XKR9: variants seen among roughly 807,000 people sequenced by gnomAD.
XKR9 encodes the protein XK-related protein 9.
In XKR9, 32 loss-of-function variants were observed where a neutral mutation model predicts 32.0. The ratio of observed to expected loss-of-function variants is 1.00; its 90% CI spans 0.76 to 1.34. XKR9 has a LOEUF of 1.34. Ranked by LOEUF, XKR9 falls within the 40% of genes most tolerant of loss-of-function variation. The pLI is 0.00. For missense variants in XKR9, 546 were observed against 429.7 expected (o/e 1.27, Z -2.39); for synonymous variants, 168 against 143.4 (o/e 1.17, Z -1.22).
At chr8:70,845,981 G>C in the XKR9 span, among the ~76,000 whole-genome samples, 1 of 151,978 alleles carries the variant, frequency 6.6e-6, no homozygotes, top group African/African-American at 2.4e-5. Flanking sequence ...ACCCAAAAAG[G>C]CCTTCACAGC....
the XKR9 span, among the ~76,000 whole-genome samples, chr8:70,802,022 C>T: frequency 1.8e-4 from 28 of 151,576 alleles, no homozygotes; most frequent in African/African-American, 2.9e-4. Flanking sequence ...CTGCAAGCTC[C>T]GCCTCCCAGG....
intron 1 of XKR9, among the ~76,000 whole-genome samples, chr8:70,672,310 C>T (rs1818740543): frequency 9.2e-6 from 1 of 109,190 alleles, no homozygotes; most frequent in Admixed American, 8.9e-5. Context: ...CACTACCTGA[C>T]TTCAAACTAT....
intron 3 of XKR9, among the ~76,000 whole-genome samples, chr8:70,687,936 T>G (rs1166097057): frequency 6.6e-6 from 1 of 152,256 alleles, no homozygotes; most frequent in East Asian, 1.9e-4. Context: ...GTTCTGGTAT[T>G]CTATAAATGA....
At chr8:70,915,631 T>A in the XKR9 span, among the ~76,000 whole-genome samples, 2 of 152,232 alleles carry the variant, frequency 1.3e-5, no homozygotes, top group Non-Finnish European at 2.9e-5. Flanking sequence ...TATCTAGAAC[T>A]GATTTTGTCT....
intron 2 of XKR9, among the ~76,000 whole-genome samples, chr8:70,747,060 C>G (rs1171314966): frequency 6.6e-6 from 1 of 152,158 alleles, no homozygotes; most frequent in East Asian, 1.9e-4. Context: ...TGGCCTCCAG[C>G]TATCCATGGT....
At chr8:70,799,051 T>G in the XKR9 span, among the ~76,000 whole-genome samples, 1 of 152,196 alleles carries the variant, frequency 6.6e-6, no homozygotes, top group East Asian at 1.9e-4. Flanking sequence ...TGGTCTCATA[T>G]AAATTTTAAA....
intron 2 of XKR9, among the ~76,000 whole-genome samples, chr8:70,786,953 T>C (rs1402120565): frequency 2.6e-5 from 4 of 152,154 alleles, no homozygotes; most frequent in Non-Finnish European, 5.9e-5. Context: ...TTTTGGTTTG[T>C]GGTTACCAAA....
At chr8:70,890,784 T>C in the XKR9 span, among the ~76,000 whole-genome samples, 1 of 152,006 alleles carries the variant, frequency 6.6e-6, no homozygotes, top group Admixed American at 6.6e-5. Context: ...TTATCTGGTC[T>C]TAGTATCAGG....
chr8:70,873,483 G>A, the XKR9 span, among the ~76,000 whole-genome samples: 1 of 152,160 alleles, frequency 6.6e-6, no homozygotes, highest in Non-Finnish European at 1.5e-5. Context: ...CAGGAATTTG[G>A]AAGAAGTTAT....
chr8:70,787,560 G>C (rs1293954256), intron 2 of XKR9, among the ~76,000 whole-genome samples: 1 of 152,042 alleles, frequency 6.6e-6, no homozygotes, highest in Non-Finnish European at 1.5e-5. Flanking sequence ...CATTCCACCA[G>C]AATAAAATGA....
At chr8:70,716,076 C>G (rs1038863749) in intron 4 of XKR9, among the ~76,000 whole-genome samples, 3 of 151,668 alleles carry the variant, frequency 2.0e-5, no homozygotes, top group Admixed American at 6.6e-5. Flanking sequence ...GACTTAAGAG[C>G]AACTGGCTTA....
chr8:70,867,133 C>G, the XKR9 span, among the ~76,000 whole-genome samples: 512 of 152,206 alleles, frequency 3.4e-3, 3 homozygotes, highest in South Asian at 0.016. Flanking sequence ...TGGCAGCAGG[C>G]AAGGAGGAGC....
the XKR9 span, among the ~76,000 whole-genome samples, chr8:70,908,329 T>A: frequency 6.6e-6 from 1 of 152,174 alleles, no homozygotes; most frequent in Admixed American, 6.5e-5. Flanking sequence ...CCATGTAATC[T>A]TTTTTTCCTT....
the XKR9 span, among the ~76,000 whole-genome samples, chr8:70,857,756 G>T: frequency 6.6e-6 from 1 of 152,096 alleles, no homozygotes; most frequent in Non-Finnish European, 1.5e-5. Flanking sequence ...ACATCAAAAA[G>T]CTTATCCGCC....
the XKR9 span, among the ~76,000 whole-genome samples, chr8:70,837,938 A>G: frequency 1.3e-5 from 2 of 152,152 alleles, no homozygotes; most frequent in Non-Finnish European, 2.9e-5. Context: ...ATTTATTTCA[A>G]TCTTCATTAT....
chr8:71,001,804 T>C, the XKR9 span, among the ~76,000 whole-genome samples: 1 of 152,212 alleles, frequency 6.6e-6, no homozygotes, highest in Non-Finnish European at 1.5e-5. Context: ...GTAAGTATTG[T>C]GACTATTGTT....
the XKR9 span, among the ~76,000 whole-genome samples, chr8:71,010,995 T>C: frequency 6.6e-6 from 1 of 152,172 alleles, no homozygotes; most frequent in Admixed American, 6.5e-5. Context: ...TCCAATCATA[T>C]GTTTAATTAC....
the XKR9 span, among the ~76,000 whole-genome samples, chr8:71,008,054 C>G: frequency 6.6e-6 from 1 of 151,252 alleles, no homozygotes; most frequent in South Asian, 2.1e-4. Context: ...TTGAAAGAAC[C>G]AAAAAAAGTA....
At chr8:70,769,859 T>C (rs1164964119) in intron 2 of XKR9, among the ~76,000 whole-genome samples, 1 of 152,102 alleles carries the variant, frequency 6.6e-6, no homozygotes, top group Non-Finnish European at 1.5e-5. Context: ...TCAAGGTTCT[T>C]AGCTTCCTTG....
Sources: gnomAD v4.1 joint callset for allele counts (sites outside exome capture counted in the v4.1 genomes callset) on GRCh38, gnomAD v4.1.1 for gene constraint, MANE v1.5 for transcripts, NCBI Gene and HGNC (gene_info 2026-07-23, HGNC 2026-07-21) for gene names.